ZNF385D: variants seen among roughly 807,000 people sequenced by gnomAD.
The protein encoded by ZNF385D is zinc finger protein 385D.
ZNF385D carries 15 observed loss-of-function variants against 35.8 expected under a neutral mutation model. The observed-to-expected ratio is 0.42, with a 90% CI of 0.28 to 0.64. ZNF385D has a LOEUF of 0.64. ZNF385D is among the 30% of genes least tolerant of loss of function. The pLI is 0.23. For missense variants in ZNF385D, 474 were observed against 494.6 expected (o/e 0.96, Z 0.39); for synonymous variants, 212 against 186.8 (o/e 1.13, Z -1.10).
At chr3:22,155,765 T>C (rs972680014) in intron 3 of ZNF385D, among the ~76,000 whole-genome samples, 1 of 152,134 alleles carries the variant, frequency 6.6e-6, no homozygotes, top group Admixed American at 6.6e-5. Flanking sequence ...AAACCTTATA[T>C]TGTCTTCATT....
intron 2 of ZNF385D, among the ~76,000 whole-genome samples, chr3:22,221,121 G>A (rs1698229611): frequency 6.6e-6 from 1 of 151,834 alleles, no homozygotes; most frequent in African/African-American, 2.4e-5. Context: ...ATGTGTGCGA[G>A]TGTGTGTGTG....
chr3:21,681,328 A>C (rs1032765968), intron 1 of ZNF385D, among the ~76,000 whole-genome samples: 2 of 143,682 alleles, frequency 1.4e-5, no homozygotes, highest in South Asian at 2.2e-4. Context: ...AAAAAAACCT[A>C]CATTTTTGGC....
At chr3:22,016,929 C>A (rs995340334) in intron 3 of ZNF385D, among the ~76,000 whole-genome samples, 3 of 145,654 alleles carry the variant, frequency 2.1e-5, no homozygotes, top group Admixed American at 1.4e-4. Context: ...GTCCATCCAT[C>A]CATCGGACAC....
At chr3:22,070,709 T>A (rs182146212) in intron 3 of ZNF385D, among the ~76,000 whole-genome samples, 6 of 152,290 alleles carry the variant, frequency 3.9e-5, no homozygotes, top group Non-Finnish European at 7.4e-5. Flanking sequence ...AATTTTATAA[T>A]GTTGAAGCTT....
Position 21,665,044 on chromosome 3 carries a change from C to A in ZNF385D, c.23-16G>T. 6.3e-7 allele frequency: 1 copy of A among 1,578,690 alleles called. No individual in the cohort carries two copies. The highest frequency in any genetic ancestry group is 8.6e-7 in the Non-Finnish European group (1 of 1,163,466). Reference sequence around the variant, plus strand: ...CATGTACCACCTGTGAAGACCAGAGCAAAGGGAGCAATCAGGGACACCACG... The same window carrying A: ...CATGTACCACCTGTGAAGACCAGAGAAAAGGGAGCAATCAGGGACACCACG... On this transcript the variant is annotated splice_polypyrimidine_tract_variant and intron_variant, in intron 1 of 7. Transcript: ENST00000281523.
At chr3:21,492,816 T>TAAATAAA (rs1553601054) in intron 4 of ZNF385D, among the ~76,000 whole-genome samples, 4 of 151,176 alleles carry the variant, frequency 2.6e-5, no homozygotes, top group Admixed American at 6.6e-5. Context: ...AATAAATAAA[T>TAAATAAA]TTTGGCAGGA....
chr3:21,467,875 G>A (rs369619582), intron 4 of ZNF385D, among the ~76,000 whole-genome samples: 19 of 152,182 alleles, frequency 1.2e-4, no homozygotes, highest in African/African-American at 3.9e-4. Flanking sequence ...TGAGGGTATT[G>A]ACCACAATAA....
At chr3:21,542,420 C>G (rs910756184) in intron 3 of ZNF385D, among the ~76,000 whole-genome samples, 1 of 151,510 alleles carries the variant, frequency 6.6e-6, no homozygotes, top group African/African-American at 2.4e-5. Context: ...TGATCAGTAC[C>G]CATTGCAACC....
At chr3:21,534,129 TAAAA>T (rs5847109) in intron 3 of ZNF385D, among the ~76,000 whole-genome samples, 1 of 147,816 alleles carries the variant, frequency 6.8e-6, no homozygotes, top group African/African-American at 2.5e-5. Context: ...TCACAGAAGT[TAAAA>T]AAAAAAACTT....
intron 3 of ZNF385D, among the ~76,000 whole-genome samples, chr3:21,994,482 C>A (rs1004974628): frequency 2.6e-5 from 4 of 151,966 alleles, no homozygotes; most frequent in Admixed American, 6.6e-5. Flanking sequence ...TCTATTGTAT[C>A]TCACTGAGCT....
At chr3:21,522,263 T>C (rs1253795009) in intron 3 of ZNF385D, among the ~76,000 whole-genome samples, 1 of 152,172 alleles carries the variant, frequency 6.6e-6, no homozygotes, top group Non-Finnish European at 1.5e-5. Context: ...GGGGAAATCA[T>C]CCAACTTCTT....
At chr3:21,592,849 A>G (rs1221333504) in intron 2 of ZNF385D, among the ~76,000 whole-genome samples, 1 of 152,178 alleles carries the variant, frequency 6.6e-6, no homozygotes, top group African/African-American at 2.4e-5. Context: ...TAGAACATAA[A>G]GCCATTCATT....
intron 3 of ZNF385D, among the ~76,000 whole-genome samples, chr3:22,141,395 G>A (rs1406186071): frequency 6.6e-6 from 1 of 152,120 alleles, no homozygotes. Context: ...TGTACACTTT[G>A]AAAGAATATG....
rs77610505 is a variant in ZNF385D, at chr3:22,315,721, G to A, written c.106+56729C>T. On this transcript the variant is annotated intron_variant, in intron 2 of 5. Coordinates refer to the ZNF385D transcript ENST00000494108. ...TGACTCCATCTTGCCTCACAGGCTG[G>A]CTGTTCTCAGTCATTCCCAGGAAAA... 3.3e-3 allele frequency among the ~76,000 whole-genome samples: 508 copies of A among 152,250 alleles called. 11 individuals carry two copies. In the East Asian group the frequency reaches 0.048, roughly 14 times the overall value.
chr3:22,038,198 T>C (rs1035051153), intron 3 of ZNF385D, among the ~76,000 whole-genome samples: 3 of 152,266 alleles, frequency 2.0e-5, no homozygotes, highest in South Asian at 2.1e-4. Flanking sequence ...AGATGAATAA[T>C]GACACATGAA....
intron 3 of ZNF385D, among the ~76,000 whole-genome samples, chr3:21,789,807 G>A (rs1575654041): frequency 1.3e-5 from 2 of 152,230 alleles, no homozygotes; most frequent in Admixed American, 6.5e-5. Context: ...CACTTATACC[G>A]TAACCAATTT....
chr3:21,864,178 T>C (rs1463281551), intron 3 of ZNF385D, among the ~76,000 whole-genome samples: 2 of 152,148 alleles, frequency 1.3e-5, no homozygotes, highest in Admixed American at 1.3e-4. Context: ...AGTCCTTTTG[T>C]TGCCATTTTA....
chr3:22,187,951 T>C (rs1034480329), intron 2 of ZNF385D, among the ~76,000 whole-genome samples: 2 of 152,134 alleles, frequency 1.3e-5, no homozygotes, highest in Non-Finnish European at 2.9e-5. Context: ...CCTGTGAATA[T>C]GGCAAAGGGG....
chr3:22,312,889 A>G (rs1207387115), intron 2 of ZNF385D, among the ~76,000 whole-genome samples: 4 of 129,678 alleles, frequency 3.1e-5, no homozygotes, highest in African/African-American at 9.6e-5. Context: ...TGACCCAGCC[A>G]TCCCATTACT....
Sources: gnomAD v4.1 joint callset for allele counts (sites outside exome capture counted in the v4.1 genomes callset) on GRCh38, gnomAD v4.1.1 for gene constraint, MANE v1.5 for transcripts, NCBI Gene and HGNC (gene_info 2026-07-23, HGNC 2026-07-21) for gene names.